Variants in MESP2 observed in about 807,000 individuals in gnomAD.
MESP2 encodes the protein mesoderm posterior bHLH transcription factor 2.
Under a neutral mutation model 37.8 loss-of-function variants are expected in MESP2, and 34 were observed. The observed-to-expected ratio is 0.90, with a 90% CI of 0.68 to 1.20. The LOEUF (loss-of-function observed/expected upper bound fraction) is 1.20. Ranked by LOEUF, MESP2 falls within the 50% of genes most tolerant of loss-of-function variation. The probability of loss-of-function intolerance (pLI) is 0.00; values close to 1 mark genes in which losing one functional copy is unlikely to be tolerated. For missense variants in MESP2, 646 were observed against 545.3 expected (o/e 1.18, Z -1.84); for synonymous variants, 303 against 251.6 (o/e 1.20, Z -1.93).
chr15:89,777,817 T>C (rs372686907), intron 1 of MESP2, among the ~76,000 whole-genome samples: 2 of 152,282 alleles, frequency 1.3e-5, no homozygotes, highest in East Asian at 3.9e-4. Flanking sequence ...CATCTCTATT[T>C]TACAGGTGAG....
chr15:89,776,595 G>C lies in MESP2; in HGVS notation c.238G>C (p.Gly80Arg). 2 of 1,524,300 alleles carry C rather than the reference G, an allele frequency of 1.3e-6. No homozygotes were observed. Among genetic ancestry groups the C allele is most frequent in the Non-Finnish European group, 1.8e-6 (2 of 1,142,522 alleles). 94.4% of individuals were successfully genotyped at this position (1,524,300 alleles called of 1,614,324 possible). The change falls in exon 1 of 2, where the codon GGC becomes CGC. Residue 80 changes from glycine (G) to arginine (R), a missense_variant. Gly to Arg is a moderately radical substitution (Grantham distance 125, BLOSUM62 -2). Coordinates refer to ENST00000341735, the MANE Select transcript of MESP2 (RefSeq NM_001039958.2). ...CAGACGAGCGCGCACCGGACCAGCG[G>C]GCGGACAGCGGCAGAGCGCCAGCGA... ...TPRRARTGPA[G>R]GQRQSASERE...
In MESP2 at chr15:89,776,809, G is replaced by A. The variant is rs1322431773; in HGVS notation, c.452G>A (p.Arg151Lys). Residue 151 changes from arginine (R) to lysine (K), a missense_variant, in exon 1 of 2, where the codon AGG (arginine) becomes AAG (lysine). Physicochemically the swap from Arg to Lys is conservative, Grantham distance 26. Coordinates refer to ENST00000341735, the MANE Select transcript of MESP2 (RefSeq NM_001039958.2). ...LSEESLQCRR[R>K]QRGDAGSPWG... is the part of the protein sequence containing the mutation. ...GAGGAGAGTCTGCAGTGCCGGCGCA[G>A]GCAGCGCGGGGACGCGGGGTCCCCT... 8.1e-6 allele frequency: 12 copies of A among 1,472,658 alleles called. No individual in the cohort carries two copies. Among genetic ancestry groups the A allele is most frequent in the Non-Finnish European group, 9.8e-6 (11 of 1,119,932 alleles). 91.2% of individuals were successfully genotyped at this position (1,472,658 alleles called of 1,614,324 possible).
At position 89,776,765 on chromosome 15, in the gene MESP2, G is replaced by T. The variant is rs760746152; in HGVS notation, c.408G>T (p.Ser136=). Residue 136 remains serine, a synonymous_variant, in exon 1 of 2, where the codon TCG becomes TCT. Coordinates refer to ENST00000341735, the MANE Select transcript of MESP2 (RefSeq NM_001039958.2). ...CCATCCGCTACATCGGCCACCTATC[G>T]GCCGTGCTGGGTCTCAGCGAGGAGA... ...RLAIRYIGHL[S]AVLGLSEESL... is the part of the protein sequence containing the mutation. 51 of 1,534,608 alleles carry T rather than the reference G, an allele frequency of 3.3e-5. 3 individuals are homozygous for T. In the South Asian group the frequency reaches 6.4e-4, roughly 19 times the overall value.
At chr15:89,777,377 A>C in intron 1 of MESP2, 96 bp downstream of exon 1, 6 of 1,348,692 alleles carry the variant, frequency 4.4e-6, no homozygotes, top group South Asian at 1.5e-5. Flanking sequence ...GGATTATCTA[A>C]CGGAGGGGAG....
rs1226359352 is a variant in MESP2, at chr15:89,777,296, C to T, written c.924+15C>T. ...CAGTGTACCAGGTATGTGTGGAGGC[C>T]CTTGCTGTGTTCCCCAGCCTCCAGT... On this transcript the variant is annotated intron_variant, in intron 1 of 1. Transcript: ENST00000341735. 1.4e-5 allele frequency: 23 copies of T among 1,604,926 alleles called. No homozygotes were observed. Among genetic ancestry groups the T allele is most frequent in the Non-Finnish European group, 1.4e-5 (17 of 1,176,796 alleles).
chr15:89,776,616 A>G lies in MESP2; in HGVS notation c.259A>G (p.Ser87Gly), dbSNP rs1458091310. Reference protein sequence around the residue: ...GPAGGQRQSASEREKLRMRTL... With the variant: ...GPAGGQRQSAGEREKLRMRTL... ...AGCGGGCGGACAGCGGCAGAGCGCC[A>G]GCGAGCGGGAGAAACTGCGCATGCG... The change falls in exon 1 of 2, where the codon AGC (serine) becomes GGC (glycine). Residue 87 changes from serine (S) to glycine (G), a missense_variant. Coordinates refer to ENST00000341735, the MANE Select transcript of MESP2 (RefSeq NM_001039958.2). The G allele has an allele frequency of 2.0e-6, 3 of 1,520,648 alleles. No individual in the cohort carries two copies. The highest frequency in any genetic ancestry group is 2.6e-6 in the Non-Finnish European group (3 of 1,141,346). The allele number at this position is 1,520,648 out of a possible 1,614,324, so 94.2% of individuals were successfully genotyped here. A position where few individuals can be genotyped will look rare whatever the true frequency, so the allele number is the denominator to read the frequency against.
rs377205705 is a variant in MESP2, at chr15:89,776,741, C to T, written c.384C>T (p.Ala128=). The T allele has an allele frequency of 6.5e-7, 1 of 1,549,860 alleles. No individual in the cohort carries two copies. Among genetic ancestry groups the T allele is most frequent in the Non-Finnish European group, 8.7e-7 (1 of 1,154,262 alleles). Residue 128 remains alanine, a synonymous_variant, in exon 1 of 2, where the codon GCC becomes GCT. Coordinates refer to ENST00000341735, the MANE Select transcript of MESP2 (RefSeq NM_001039958.2). ...SLTKIETLRL[A]IRYIGHLSAV... Reference sequence around the variant, plus strand: ...CCAAGATCGAGACGCTGCGCCTGGCCATCCGCTACATCGGCCACCTATCGG... The same window carrying T: ...CCAAGATCGAGACGCTGCGCCTGGCTATCCGCTACATCGGCCACCTATCGG...
Position 89,776,584 on chromosome 15 carries a change from C to G in MESP2, c.227C>G (p.Thr76Ser), listed in dbSNP as rs1458142339. ...GCGACGACGCCCAGACGAGCGCGCA[C>G]CGGACCAGCGGGCGGACAGCGGCAG... ...AAATTPRRAR[T>S]GPAGGQRQSA... The change falls in exon 1 of 2, where the codon ACC becomes AGC. Residue 76 changes from threonine to serine, a missense_variant. Coordinates refer to ENST00000341735, the MANE Select transcript of MESP2 (RefSeq NM_001039958.2). The G allele has an allele frequency of 1.3e-6, 2 of 1,529,698 alleles. No individual in the cohort carries two copies. Among genetic ancestry groups the G allele is most frequent in the Middle Eastern group, 1.7e-4 (1 of 5,776 alleles). 94.8% of individuals were successfully genotyped at this position (1,529,698 alleles called of 1,614,324 possible).
chr15:89,777,000 C>G lies in MESP2; in HGVS notation c.643C>G (p.Leu215Val). ...CAGGCCGGGCCTGGTCTCCGCCGTCCTCGCCGAGGCGTCCTGGGGATCCCC... is the reference window on the plus strand; with the variant it reads ...CAGGCCGGGCCTGGTCTCCGCCGTCGTCGCCGAGGCGTCCTGGGGATCCCC... ...GRRPGLVSAV[L>V]AEASWGSPSA... The change falls in exon 1 of 2, where the codon CTC becomes GTC. Residue 215 changes from leucine to valine, a missense_variant. Transcript: ENST00000341735. The G allele has an allele frequency of 6.4e-7, 1 of 1,573,258 alleles. No individual in the cohort carries two copies. Among genetic ancestry groups the G allele is most frequent in the Non-Finnish European group, 8.6e-7 (1 of 1,160,572 alleles).
At position 89,776,475 on chromosome 15, in the gene MESP2, T is replaced by G; in HGVS notation, c.118T>G (p.Ser40Ala). The part of the protein sequence containing the change: ...STSPASSSDS[S>A]GSCPCDGARG... ...GTCCCCGGCCTCCTCCTCCGATTCG[T>G]CGGGTTCGTGCCCCTGCGACGGCGC... is the stretch of plus-strand genomic sequence containing the variant. Residue 40 changes from serine (S) to alanine (A), a missense_variant, in exon 1 of 2, where the codon TCG (serine) becomes GCG (alanine). By Grantham distance (99) the Ser-to-Ala change is moderately conservative (BLOSUM62 1). Transcript: ENST00000341735. 2 of 1,534,296 alleles carry G rather than the reference T, an allele frequency of 1.3e-6. No individual in the cohort carries two copies. The highest frequency in any genetic ancestry group is 1.7e-6 in the Non-Finnish European group (2 of 1,146,040).
rs1555439139 is a variant in MESP2, at chr15:89,777,034, G to A, written c.677G>A (p.Cys226Tyr). Residue 226 changes from cysteine (C) to tyrosine (Y), a missense_variant, in exon 1 of 2, where the codon TGC (cysteine) becomes TAC (tyrosine). Coordinates refer to ENST00000341735, the MANE Select transcript of MESP2 (RefSeq NM_001039958.2). Reference sequence around the variant, plus strand: ...GCGTCCTGGGGATCCCCGTCCGCCTGCCCCGGAGCCCAAGCCGCACCCGAG... The same window carrying A: ...GCGTCCTGGGGATCCCCGTCCGCCTACCCCGGAGCCCAAGCCGCACCCGAG... ...AEASWGSPSA[C>Y]PGAQAAPERL... 3.8e-6 allele frequency: 6 copies of A among 1,597,716 alleles called. 2 individuals are homozygous for A. The South Asian group carries it at 6.7e-5, about 18-fold the overall frequency.
chr15:89,776,858 C>G lies in MESP2; in HGVS notation c.501C>G (p.Asp167Glu). The G allele has an allele frequency of 6.9e-7, 1 of 1,458,964 alleles. No individual in the cohort carries two copies. The highest frequency in any genetic ancestry group is 1.4e-5 in the South Asian group (1 of 69,624). The allele number at this position is 1,458,964 out of a possible 1,614,324, so 90.4% of individuals were successfully genotyped here. A position where few individuals can be genotyped will look rare whatever the true frequency, so the allele number is the denominator to read the frequency against. The change falls in exon 1 of 2, where the codon GAC (aspartate) becomes GAG (glutamate). Residue 167 changes from aspartate (D) to glutamate (E), a missense_variant. Transcript: ENST00000341735. ...GSPWGCPLCPDRGPAEAQTQA... is the reference protein window; with the variant it reads ...GSPWGCPLCPERGPAEAQTQA... Reference sequence around the variant, plus strand: ...CTTGGGGCTGCCCGCTGTGCCCCGACCGTGGCCCCGCAGAGGCGCAGACGC... The same window carrying G: ...CTTGGGGCTGCCCGCTGTGCCCCGAGCGTGGCCCCGCAGAGGCGCAGACGC...
rs753827969 is a variant in MESP2 at position 89,778,229 on chromosome 15, G to A, written c.1089G>A (p.Gln363=). The A allele has an allele frequency of 7.4e-6, 12 of 1,613,494 alleles. No individual in the cohort carries two copies. The Admixed American group carries it at 2.0e-4, about 27-fold the overall frequency. ...ACCAGGGACCGGGCGCCGCCTTCCA[G>A]CTCAGTGAAGCAAGCCCTCCCCAGA... The part of the protein sequence containing the change: ...SEDQGPGAAF[Q]LSEASPPQSS... The change falls in exon 2 of 2, where the codon CAG becomes CAA. Residue 363 remains glutamine, a synonymous_variant. Coordinates refer to ENST00000341735, the MANE Select transcript of MESP2 (RefSeq NM_001039958.2).
Position 89,776,941 on chromosome 15 carries a change from G to T in MESP2, c.584G>T (p.Gly195Val). The change falls in exon 1 of 2, where the codon GGA becomes GTA. Residue 195 changes from glycine to valine, a missense_variant. By Grantham distance (109) the Gly-to-Val change is moderately radical. Transcript: ENST00000341735. ...GGGCAGGGGCAAGGGCAGGGGCAAGGACAGGGGCAAGGACAGGGGCAAGGG... is the reference window on the plus strand; with the variant it reads ...GGGCAGGGGCAAGGGCAGGGGCAAGTACAGGGGCAAGGACAGGGGCAAGGG... ...GQGQGQGQGQGQGQGQGQGQG... is the reference protein window; with the variant it reads ...GQGQGQGQGQVQGQGQGQGQG... 1 of 1,499,136 alleles carries T rather than the reference G, an allele frequency of 6.7e-7. No individual in the cohort carries two copies. Among genetic ancestry groups the T allele is most frequent in the Non-Finnish European group, 8.9e-7 (1 of 1,119,804 alleles). The allele number at this position is 1,499,136 out of a possible 1,614,324, so 92.9% of individuals were successfully genotyped here.
rs1007099139 is a variant in MESP2, at chr15:89,778,514, G to A, written c.*180G>A. ...GGGTACCTTCCCTGGATGGAGTCAG[G>A]GCGGGGGCACTGTCCTCCACTGCTA... On this transcript the variant is annotated 3_prime_UTR_variant, in exon 2 of 2. Coordinates refer to ENST00000341735, the MANE Select transcript of MESP2 (RefSeq NM_001039958.2). 1 of 797,470 alleles carries A rather than the reference G, an allele frequency of 1.3e-6. No individual in the cohort carries two copies. Among genetic ancestry groups the A allele is most frequent in the East Asian group, 2.7e-5 (1 of 37,254 alleles). 49.4% of individuals were successfully genotyped at this position (797,470 alleles called of 1,614,324 possible).
intron 1 of MESP2, among the ~76,000 whole-genome samples, chr15:89,777,493 G>A (rs1475509545): frequency 6.6e-6 from 1 of 152,184 alleles, no homozygotes; most frequent in Non-Finnish European, 1.5e-5. Context: ...GGAAAGAGGG[G>A]GAGCCCGCCG....
chr15:89,776,396 C>A lies in MESP2; in HGVS notation c.39C>A (p.His13Gln). The change falls in exon 1 of 2, where the codon CAC becomes CAA. Residue 13 changes from histidine (H) to glutamine (Q), a missense_variant. By Grantham distance (24) the His-to-Gln change is conservative. Coordinates refer to ENST00000341735, the MANE Select transcript of MESP2 (RefSeq NM_001039958.2). ...CTCCTCCGCAGAGCCTCCTCGGCCA[C>A]GACCACTGGATCTTCGCCCAGGGCT... is the stretch of plus-strand genomic sequence containing the variant. ...QSPPPQSLLG[H>Q]DHWIFAQGWG... The A allele has an allele frequency of 6.5e-7, 1 of 1,532,640 alleles. No individual in the cohort carries two copies. The highest frequency in any genetic ancestry group is 8.7e-7 in the Non-Finnish European group (1 of 1,145,900). The allele number at this position is 1,532,640 out of a possible 1,614,324, so 94.9% of individuals were successfully genotyped here. A position where few individuals can be genotyped will look rare whatever the true frequency, so the allele number is the denominator to read the frequency against.
rs778342808 is a variant in MESP2 at position 89,776,977 on chromosome 15, G to A, written c.620G>A (p.Arg207Lys). ...GGACAGGGGCAAGGGCAGGGGCGCA[G>A]GCCGGGCCTGGTCTCCGCCGTCCTC... ...GQGQGQGQGRRPGLVSAVLAE... is the reference protein window; with the variant it reads ...GQGQGQGQGRKPGLVSAVLAE... Residue 207 changes from arginine (R) to lysine (K), a missense_variant, in exon 1 of 2, where the codon AGG becomes AAG. Physicochemically the swap from Arg to Lys is conservative, Grantham distance 26 (BLOSUM62 2). Coordinates refer to ENST00000341735, the MANE Select transcript of MESP2 (RefSeq NM_001039958.2). 7.7e-6 allele frequency: 12 copies of A among 1,558,540 alleles called. No homozygotes were observed. In the South Asian group the frequency reaches 1.4e-4, roughly 18 times the overall value.
chr15:89,777,548 C>T (rs1268645273), intron 1 of MESP2, among the ~76,000 whole-genome samples: 3 of 152,090 alleles, frequency 2.0e-5, no homozygotes, highest in Non-Finnish European at 4.4e-5. Flanking sequence ...GTGCTGGCTT[C>T]AAGTGCTATT....
Sources: allele counts gnomAD v4.1 joint callset (sites outside exome capture counted in the v4.1 genomes callset), GRCh38; gene constraint gnomAD v4.1.1; transcripts MANE v1.5; gene names NCBI Gene and HGNC (gene_info 2026-07-23, HGNC 2026-07-21).